Variants in NR2F1-AS1 observed in about 807,000 individuals in gnomAD.
NR2F1-AS1 encodes the protein NR2F1 regulatory antisense RNA 1, also known as NR2F1 antisense RNA 1.
At chr5:93,542,719 G>A (rs1751981014) in intron 4 of NR2F1-AS1, 1 of 152,190 alleles carries the variant, frequency 6.6e-6, no homozygotes, top group Non-Finnish European at 1.5e-5. Context: ...GAACACCTAA[G>A]CCAATTTGCC....
intron 1 of NR2F1-AS1, among the ~76,000 whole-genome samples, chr5:93,577,695 T>C (rs1048953898): frequency 2.0e-5 from 3 of 152,232 alleles, no homozygotes; most frequent in African/African-American, 7.2e-5. Flanking sequence ...TTTAATCTCA[T>C]GCCAGGGGAG....
intron 4 of NR2F1-AS1, among the ~76,000 whole-genome samples, chr5:93,482,540 G>T (rs952385612): frequency 6.6e-6 from 1 of 152,080 alleles, no homozygotes; most frequent in Non-Finnish European, 1.5e-5. Context: ...GGCAGACACC[G>T]AGCTAACTAC....
chr5:93,563,281 A>C (rs1323508175), intron 2 of NR2F1-AS1: 1 of 152,262 alleles, frequency 6.6e-6, no homozygotes, highest in African/African-American at 2.4e-5. Flanking sequence ...TATGAACTAC[A>C]CAATGACTAT....
At chr5:93,469,953 A>T (rs1750331405) in intron 4 of NR2F1-AS1, among the ~76,000 whole-genome samples, 1 of 152,078 alleles carries the variant, frequency 6.6e-6, no homozygotes, top group South Asian at 2.1e-4. Context: ...GTATTAGTAC[A>T]ACATATTTAT....
chr5:93,583,376 T>TCCTCTCTTCTCTGAA (rs1220050047), upstream of NR2F1-AS1: 4 of 150,754 alleles, frequency 2.7e-5, no homozygotes, highest in African/African-American at 9.8e-5. Flanking sequence ...CCTCTCTCTC[T>TCCTCTCTTCTCTGAA]CCTCTCTTCT....
At chr5:93,538,354 G>A (rs1324622649) in intron 4 of NR2F1-AS1, among the ~76,000 whole-genome samples, 2 of 151,994 alleles carry the variant, frequency 1.3e-5, no homozygotes, top group Non-Finnish European at 2.9e-5. Context: ...TGGGCCTGTA[G>A]TCCCCCACTG....
intron 4 of NR2F1-AS1, chr5:93,544,089 A>G (rs1752020121): frequency 6.6e-6 from 1 of 152,244 alleles, no homozygotes; most frequent in Non-Finnish European, 1.5e-5. Context: ...CTAAGAAATG[A>G]AAATATTTGA....
chr5:93,475,055 C>T (rs188674233), intron 4 of NR2F1-AS1, among the ~76,000 whole-genome samples: 338 of 148,996 alleles, frequency 2.3e-3, no homozygotes, highest in African/African-American at 7.7e-3. Context: ...ACCTGGGAGG[C>T]GGAGCTTGCA....
chr5:93,411,532 T>C (rs965526418), intron 4 of NR2F1-AS1: 1 of 152,212 alleles, frequency 6.6e-6, no homozygotes, highest in African/African-American at 2.4e-5. Context: ...TGAAACCAAT[T>C]ATTAATCCAG....
intron 4 of NR2F1-AS1, among the ~76,000 whole-genome samples, chr5:93,510,711 ATT>A (rs1451201270): frequency 6.6e-6 from 1 of 152,214 alleles, no homozygotes; most frequent in Non-Finnish European, 1.5e-5. Flanking sequence ...TAAAACATAT[ATT>A]AGCCAGGAAC....
At chr5:93,549,964 G>A (rs1198664109) in intron 4 of NR2F1-AS1, among the ~76,000 whole-genome samples, 1 of 151,934 alleles carries the variant, frequency 6.6e-6, no homozygotes, top group African/African-American at 2.4e-5. Flanking sequence ...GGGCCCTGTC[G>A]AGGGGTTGGG....
In NR2F1-AS1 at chr5:93,559,401, G is replaced by C. The variant is rs536413531; in HGVS notation, n.413+3963C>G. Among the ~76,000 whole-genome samples, 10 of 152,222 alleles carry C rather than the reference G, an allele frequency of 6.6e-5. No homozygotes were observed. The South Asian group carries it at 2.1e-3, about 32-fold the overall frequency. On this transcript the variant is annotated intron_variant and non_coding_transcript_variant, in intron 2 of 5. Transcript: ENST00000660523. ...TGTGGCTGGTTTGATCTTCTACCCA[G>C]ACCACTCACAATTTCTCTACAATAA...
intron 4 of NR2F1-AS1, among the ~76,000 whole-genome samples, chr5:93,470,860 G>C (rs1291238981): frequency 6.6e-6 from 1 of 151,594 alleles, no homozygotes; most frequent in Non-Finnish European, 1.5e-5. Context: ...GTATATTGCC[G>C]ATAATACAAA....
At chr5:93,558,359 C>T (rs1463799118) in intron 2 of NR2F1-AS1, among the ~76,000 whole-genome samples, 1 of 148,704 alleles carries the variant, frequency 6.7e-6, no homozygotes, top group South Asian at 2.1e-4. Context: ...CTTGCTCTAT[C>T]GCCCAGGCTG....
chr5:93,543,915 A>C (rs2149907521), intron 4 of NR2F1-AS1: 1 of 152,300 alleles, frequency 6.6e-6, no homozygotes, highest in East Asian at 1.9e-4. Context: ...TATGTATTGC[A>C]CTTCCAAAAA....
intron 4 of NR2F1-AS1, among the ~76,000 whole-genome samples, chr5:93,508,135 TAAAAG>T (rs1021478063): frequency 1.3e-5 from 2 of 152,134 alleles, no homozygotes; most frequent in Admixed American, 1.3e-4. Flanking sequence ...AATTCACATG[TAAAAG>T]AAAAGACTGA....
chr5:93,428,936 T>C (rs2149845777), intron 4 of NR2F1-AS1, among the ~76,000 whole-genome samples: 1 of 152,340 alleles, frequency 6.6e-6, no homozygotes, highest in African/African-American at 2.4e-5. Context: ...ATGCATATTA[T>C]GTCCATTAAA....
At chr5:93,471,708 G>A (rs1311970694) in intron 4 of NR2F1-AS1, among the ~76,000 whole-genome samples, 5 of 151,760 alleles carry the variant, frequency 3.3e-5, no homozygotes, top group South Asian at 2.1e-4. Flanking sequence ...AGTGATAGTC[G>A]TATTGTATTT....
intron 4 of NR2F1-AS1, among the ~76,000 whole-genome samples, chr5:93,545,447 A>G (rs984459422): frequency 6.6e-6 from 1 of 152,226 alleles, no homozygotes; most frequent in African/African-American, 2.4e-5. Context: ...ATTCCCAGCT[A>G]TTAGTGTTTC....
Sources: allele counts gnomAD v4.1 joint callset (sites outside exome capture counted in the v4.1 genomes callset), GRCh38; gene constraint gnomAD v4.1.1; transcripts MANE v1.5; gene names NCBI Gene and HGNC (gene_info 2026-07-23, HGNC 2026-07-21).